POLDIP3: variants seen among roughly 807,000 people sequenced by gnomAD.
POLDIP3 encodes the protein DNA polymerase delta interacting protein 3.
Under a neutral mutation model 45.1 loss-of-function variants are expected in POLDIP3, and 14 were observed. The observed-to-expected ratio is 0.31, with a 90% CI of 0.20 to 0.49. POLDIP3 has a LOEUF of 0.49. POLDIP3 is among the 20% of genes least tolerant of loss of function. The pLI is 0.99. For synonymous variants in POLDIP3, 223 were observed against 205.2 expected, an observed-to-expected ratio of 1.09 and a Z score of -0.74; for missense variants, 511 against 538.8, an observed-to-expected ratio of 0.95 and a Z score of 0.51.
In POLDIP3 at chr22:42,603,104, C is replaced by T. The variant is rs1188128497; in HGVS notation, c.116G>A (p.Gly39Asp). ...GVRSRVGIQQGLLSQSTRTAT... is the reference protein window; with the variant it reads ...GVRSRVGIQQDLLSQSTRTAT... ...TGTGCGTGTTGACTGGCTGAGAAGG[C>T]CTTGCTGGATCCCAACTCGAGATCG... The change falls in exon 2 of 9, where the codon GGC (glycine) becomes GAC (aspartate). Residue 39 changes from glycine to aspartate, a missense_variant. Coordinates refer to ENST00000252115, the MANE Select transcript of POLDIP3 (RefSeq NM_032311.5). 3.1e-6 allele frequency: 5 copies of T among 1,613,994 alleles called. No homozygotes were observed. The African/African-American group carries it at 4.0e-5, about 13-fold the overall frequency.
chr22:42,599,731 C>G lies in POLDIP3; in HGVS notation c.600G>C (p.Lys200Asn). 2 of 1,612,488 alleles carry G rather than the reference C, an allele frequency of 1.2e-6. No homozygotes were observed. Among genetic ancestry groups the G allele is most frequent in the Non-Finnish European group, 8.5e-7 (1 of 1,178,698 alleles). The change falls in exon 4 of 9, where the codon AAG (lysine) becomes AAC (asparagine). Residue 200 changes from lysine (K) to asparagine (N), a missense_variant. By Grantham distance (94) the Lys-to-Asn change is moderately conservative. This residue lies in a region of POLDIP3 where 378 missense variants were observed against 352.3 expected (regional missense o/e 1.07). Transcript: ENST00000252115. The stretch of plus-strand genomic sequence containing the variant: ...GGAGAAAGCCGCCTGAGGCTGCAAA[C>G]TTCATCTGTTTAGTAGGAACGGAAG... ...GIASVPTKQMKFAASGGFLHH... is the reference protein window; with the variant it reads ...GIASVPTKQMNFAASGGFLHH...
intron 4 of POLDIP3, 52 bp from the exon 5 acceptor site, chr22:42,596,417 A>G: frequency 6.5e-7 from 1 of 1,538,826 alleles, no homozygotes. Context: ...CAATGTTCTG[A>G]AGAAGCCCCA....
chr22:42,606,169 A>G (rs1288062824), intron 1 of POLDIP3, among the ~76,000 whole-genome samples: 1 of 152,092 alleles, frequency 6.6e-6, no homozygotes, highest in Non-Finnish European at 1.5e-5. Flanking sequence ...TGATCAATGA[A>G]AACTTCTGAG....
chr22:42,613,012 C>A (rs939336358), intron 1 of POLDIP3, among the ~76,000 whole-genome samples: 1 of 152,154 alleles, frequency 6.6e-6, no homozygotes, highest in South Asian at 2.1e-4. Flanking sequence ...AACCACCCCC[C>A]ATTCCTGCAG....
rs754004279 is a variant in POLDIP3, at chr22:42,614,816, C to G, written c.42G>C (p.Gly14=). The G allele has an allele frequency of 4.3e-6, 7 of 1,614,098 alleles. No individual in the cohort carries two copies. Among genetic ancestry groups the G allele is most frequent in the Non-Finnish European group, 5.9e-6 (7 of 1,179,952 alleles). ...ISLDELIRKR[G]AAAKGRLNAR... ...CCTCTCACCGTCCTTTCGCCGCCGC[C>G]CCGCGCTTCCTGATGAGTTCGTCCA... The change falls in exon 1 of 9, where the codon GGG becomes GGC. Residue 14 remains glycine (G), a synonymous_variant. Coordinates refer to ENST00000252115, the MANE Select transcript of POLDIP3 (RefSeq NM_032311.5).
At chr22:42,612,872 C>T (rs974358764) in intron 1 of POLDIP3, among the ~76,000 whole-genome samples, 5 of 152,120 alleles carry the variant, frequency 3.3e-5, no homozygotes, top group African/African-American at 9.7e-5. Context: ...TCCCGCTCAA[C>T]CAGGAATCAC....
intron 1 of POLDIP3, among the ~76,000 whole-genome samples, 157 bp from the exon 2 acceptor site, chr22:42,603,317 G>A (rs1035600927): frequency 6.6e-6 from 1 of 152,180 alleles, no homozygotes; most frequent in Non-Finnish European, 1.5e-5. Flanking sequence ...CCTACATGAT[G>A]ACTCCTTTCC....
chr22:42,613,369 A>G (rs1927246983), intron 1 of POLDIP3, among the ~76,000 whole-genome samples: 1 of 152,216 alleles, frequency 6.6e-6, no homozygotes, highest in Non-Finnish European at 1.5e-5. Flanking sequence ...TGGCAGTTGT[A>G]GTTGATACAA....
intron 1 of POLDIP3, among the ~76,000 whole-genome samples, chr22:42,609,929 T>C (rs749326815): frequency 6.6e-6 from 1 of 152,102 alleles, no homozygotes; most frequent in Non-Finnish European, 1.5e-5. Flanking sequence ...CCCAAGCACT[T>C]TGGGAGGCTG....
intron 7 of POLDIP3, among the ~76,000 whole-genome samples, chr22:42,589,459 C>G (rs556794718): frequency 6.6e-6 from 1 of 152,034 alleles, no homozygotes; most frequent in Non-Finnish European, 1.5e-5. Context: ...CAAGTAACAA[C>G]AGAACCTCAA....
chr22:42,607,325 C>T lies in POLDIP3; in HGVS notation c.60-4165G>A, dbSNP rs1401220463. Among the ~76,000 whole-genome samples the T allele has an allele frequency of 2.0e-5, 3 of 152,270 alleles. No individual in the cohort carries two copies. The East Asian group carries it at 5.8e-4, about 29-fold the overall frequency. ...ACGGGGTTTCGCTGTGTTGGCCGGG[C>T]TGGTCTCCAGCTCCCGACCGCAAGT... On this transcript the variant is annotated intron_variant, in intron 1 of 8. Coordinates refer to ENST00000252115, the MANE Select transcript of POLDIP3 (RefSeq NM_032311.5).
intron 6 of POLDIP3, 96 bp downstream of exon 6, chr22:42,595,441 A>T: frequency 9.5e-7 from 1 of 1,049,764 alleles, no homozygotes; most frequent in Non-Finnish European, 1.5e-6. Context: ...GAGTCTGGTG[A>T]GTCCTAGCAG....
intron 4 of POLDIP3, 29 bp from the exon 5 acceptor site, chr22:42,596,394 G>A (rs751745072): frequency 2.1e-5 from 34 of 1,604,886 alleles, no homozygotes; most frequent in Non-Finnish European, 2.7e-5. Flanking sequence ...AAGAATCTGA[G>A]AAGCCAGACC....
At position 42,602,139 on chromosome 22, in the gene POLDIP3, T is replaced by C. The variant is rs762744310; in HGVS notation, c.451-83A>G. 3.1e-6 allele frequency: 5 copies of C among 1,600,892 alleles called. No homozygotes were observed. In the African/African-American group the frequency reaches 6.7e-5, roughly 21 times the overall value. On this transcript the variant is annotated intron_variant, in intron 2 of 8. Coordinates refer to ENST00000252115, the MANE Select transcript of POLDIP3 (RefSeq NM_032311.5). ...GAAGGGGGTTACTGAACTTGATACA[T>C]GGTGGGCATGCAGCTTTGGTCTTTG...
chr22:42,591,838 C>G lies in POLDIP3; in HGVS notation c.1021+117G>C, dbSNP rs144015413. 558 of 1,364,476 alleles carry G rather than the reference C, an allele frequency of 4.1e-4. 8 individuals are homozygous for G. In the East Asian group the frequency reaches 0.012, roughly 30 times the overall value. The allele number at this position is 1,364,476 out of a possible 1,614,324, so 84.5% of individuals were successfully genotyped here. On this transcript the variant is annotated intron_variant, in intron 7 of 8. Transcript: ENST00000252115. ...ACTGCACGGCAGTTCCTGGTGCAGA[C>G]GAGGCCCCAGAGATGGGTTCCACCC...
At chr22:42,606,056 C>G (rs747726986) in intron 1 of POLDIP3, among the ~76,000 whole-genome samples, 1 of 152,026 alleles carries the variant, frequency 6.6e-6, no homozygotes, top group Non-Finnish European at 1.5e-5. Flanking sequence ...GCAGGAGAAT[C>G]AGTTGAACCC....
intron 1 of POLDIP3, among the ~76,000 whole-genome samples, chr22:42,607,762 C>A (rs913365168): frequency 4.6e-5 from 7 of 151,848 alleles, no homozygotes; most frequent in Non-Finnish European, 8.8e-5. Flanking sequence ...CGGCCGCGAC[C>A]CCATCTGGGA....
rs137977563 is a variant in POLDIP3, at chr22:42,596,613, T to C, written c.634-248A>G. Among the ~76,000 whole-genome samples the C allele has an allele frequency of 4.3e-3, 651 of 152,190 alleles. 3 individuals are homozygous for C. Among genetic ancestry groups the C allele is most frequent in the African/African-American group, 0.015 (634 of 41,522 alleles). ...AGCCACTCCCCACAGTGCTAGAAGC[T>C]CTTGGCAGGAAGCTTCCATACAGCC... is the stretch of plus-strand genomic sequence containing the variant. On this transcript the variant is annotated intron_variant, in intron 4 of 8. Transcript: ENST00000252115.
intron 1 of POLDIP3, among the ~76,000 whole-genome samples, chr22:42,612,515 C>G (rs983321711): frequency 2.6e-5 from 4 of 152,162 alleles, no homozygotes; most frequent in African/African-American, 9.7e-5. Flanking sequence ...TGAACACTTG[C>G]CACATGGCAC....
Sources: gnomAD v4.1 joint callset for allele counts (sites outside exome capture counted in the v4.1 genomes callset) on GRCh38, gnomAD v4.1.1 for gene constraint, gnomAD v4.1.1 regional missense constraint, MANE v1.5 for transcripts, NCBI Gene and HGNC (gene_info 2026-07-23, HGNC 2026-07-21) for gene names.